The following SCAPER variants were observed in gnomAD, a reference collection of about 807,000 sequenced individuals.
SCAPER encodes S-phase cyclin A associated protein in the ER, also known as S phase cyclin A-associated protein in the endoplasmic reticulum.
A neutral mutation model predicts 182.2 loss-of-function variants in SCAPER; 98 were observed. The observed-to-expected ratio is 0.54, with a 90% CI of 0.46 to 0.64. The LOEUF is 0.64. SCAPER is among the 30% of genes least tolerant of loss of function. SCAPER has a pLI of 0.00. For synonymous variants in SCAPER, 605 were observed against 564.6 expected (o/e 1.07, Z -1.01); for missense variants, 1,432 against 1,690.0 (o/e 0.85, Z 2.68).
chr15:76,432,537 C>G (rs2046936953), intron 26 of SCAPER, among the ~76,000 whole-genome samples: 2 of 152,190 alleles, frequency 1.3e-5, no homozygotes, highest in Admixed American at 1.3e-4. Flanking sequence ...CAGAGAGCAA[C>G]AAATTGCATG....
chr15:76,701,841 T>C lies in SCAPER; in HGVS notation c.2425A>G (p.Ser809Gly). 1 of 1,613,670 alleles carries C rather than the reference T, an allele frequency of 6.2e-7. No individual in the cohort carries two copies. Among genetic ancestry groups the C allele is most frequent in the South Asian group, 1.1e-5 (1 of 91,070 alleles). ...VLISSEVYLFSHVKGRKHQQA... is the reference protein window; with the variant it reads ...VLISSEVYLFGHVKGRKHQQA... ...TGGTGTTTTCTCCCTTTAACATGGC[T>C]AAAAAGATATACCTCTGAAGAGATC... The change falls in exon 20 of 32, where the codon AGC (serine) becomes GGC (glycine). Residue 809 changes from serine (S) to glycine (G), a missense_variant. Around this residue, in one of 5 missense-constraint regions of SCAPER, gnomAD observed 718 missense variants for 799.7 expected, o/e 0.90. Transcript: ENST00000563290.
At chr15:76,547,570 T>C (rs1317884294) in intron 23 of SCAPER, among the ~76,000 whole-genome samples, 1 of 152,134 alleles carries the variant, frequency 6.6e-6, no homozygotes, top group Non-Finnish European at 1.5e-5. Context: ...CTACCTGATA[T>C]CATAAAATAT....
intron 22 of SCAPER, among the ~76,000 whole-genome samples, chr15:76,606,574 T>A (rs1356101106): frequency 6.6e-6 from 1 of 151,794 alleles, no homozygotes; most frequent in East Asian, 1.9e-4. Context: ...ATATCCTTGT[T>A]AACTTTCTGT....
At chr15:76,861,579 T>C (rs141639352) in intron 3 of SCAPER, among the ~76,000 whole-genome samples, 215 of 152,280 alleles carry the variant, frequency 1.4e-3, no homozygotes, top group African/African-American at 5.1e-3. Flanking sequence ...TCACACTGCC[T>C]CTAGCCATTA....
intron 22 of SCAPER, among the ~76,000 whole-genome samples, chr15:76,577,735 TCA>T (rs1470993072): frequency 6.6e-6 from 1 of 151,982 alleles, no homozygotes; most frequent in Non-Finnish European, 1.5e-5. Flanking sequence ...TGAGTGAGAC[TCA>T]GAGACATGAT....
At position 76,595,911 on chromosome 15, in the gene SCAPER, G is replaced by C. The variant is rs1191106654; in HGVS notation, c.2712-21627C>G. Among the ~76,000 whole-genome samples the C allele has an allele frequency of 3.3e-5, 4 of 121,296 alleles. 2 individuals are homozygous for C. The highest frequency in any genetic ancestry group is 8.0e-5 in the Non-Finnish European group (4 of 50,014). The allele number at this position is 121,296 out of a possible 152,430, so 79.6% of individuals were successfully genotyped here. On this transcript the variant is annotated intron_variant, in intron 22 of 31. Coordinates refer to ENST00000563290, the MANE Select transcript of SCAPER (RefSeq NM_020843.4). ...ACATCACAATTAGAAGAACTGAGAA[G>C]CAAGAGCAAACAAATTCAAAAGCTA...
chr15:76,508,194 T>C (rs1370945984), intron 23 of SCAPER, among the ~76,000 whole-genome samples: 7 of 152,200 alleles, frequency 4.6e-5, no homozygotes, highest in African/African-American at 1.7e-4. Flanking sequence ...CTAGCTTTTT[T>C]TGGTTGATTG....
In SCAPER at chr15:76,726,155, A is replaced by ATG. The variant is rs1491513286; in HGVS notation, c.2165+2439_2165+2440insCA. The stretch of plus-strand genomic sequence containing the variant: ...TATATATATATATATATATATATAT[A>ATG]AAAAACTCTATAACCCAACAAGAAA... On this transcript the variant is annotated intron_variant, in intron 17 of 31. Coordinates refer to ENST00000563290, the MANE Select transcript of SCAPER (RefSeq NM_020843.4). 3.1e-5 allele frequency among the ~76,000 whole-genome samples: 3 copies of ATG among 97,324 alleles called. 1 individual carries two copies. The highest frequency in any genetic ancestry group is 5.9e-5 in the Non-Finnish European group (3 of 51,070). 63.8% of individuals were successfully genotyped at this position (97,324 alleles called of 152,430 possible). A position where few individuals can be genotyped will look rare whatever the true frequency, so the allele number is the denominator to read the frequency against.
intron 2 of SCAPER, among the ~76,000 whole-genome samples, chr15:76,864,296 C>T (rs761625194): frequency 2.6e-5 from 4 of 152,186 alleles, no homozygotes; most frequent in Non-Finnish European, 4.4e-5. Flanking sequence ...TTATCTACAA[C>T]TTATTTACTT....
chr15:76,483,487 C>T (rs935180393), intron 24 of SCAPER, among the ~76,000 whole-genome samples: 1 of 151,918 alleles, frequency 6.6e-6, no homozygotes, highest in Admixed American at 6.6e-5. Flanking sequence ...CATGAAAGAA[C>T]AAATTGATAA....
intron 22 of SCAPER, chr15:76,586,567 T>C (rs974608578): frequency 6.5e-6 from 1 of 152,742 alleles, no homozygotes; most frequent in Non-Finnish European, 1.5e-5. Flanking sequence ...AGAAAATAAA[T>C]AAATGAATGT....
intron 22 of SCAPER, among the ~76,000 whole-genome samples, chr15:76,605,335 G>A (rs190681373): frequency 1.4e-3 from 208 of 152,186 alleles, no homozygotes; most frequent in African/African-American, 5.0e-3. Flanking sequence ...TTATTGATTT[G>A]CGTATGTTGA....
At chr15:76,890,861 A>AC (rs1423506125) in intron 1 of SCAPER, among the ~76,000 whole-genome samples, 3 of 152,276 alleles carry the variant, frequency 2.0e-5, no homozygotes, top group Non-Finnish European at 4.4e-5. Context: ...CAGAGACACA[A>AC]CAAAAAAAGA....
chr15:76,395,216 G>A (rs2043971087), intron 27 of SCAPER, among the ~76,000 whole-genome samples: 1 of 152,152 alleles, frequency 6.6e-6, no homozygotes, highest in Non-Finnish European at 1.5e-5. Flanking sequence ...TCCATTGTGT[G>A]TATGAGTACA....
At chr15:76,438,484 G>A (rs1185854923) in intron 25 of SCAPER, among the ~76,000 whole-genome samples, 1 of 152,166 alleles carries the variant, frequency 6.6e-6, no homozygotes, top group Non-Finnish European at 1.5e-5. Context: ...TCTGCCTACA[G>A]CTGACCGGCA....
intron 2 of SCAPER, among the ~76,000 whole-genome samples, chr15:76,877,034 A>G (rs2073218184): frequency 6.6e-6 from 1 of 152,098 alleles, no homozygotes; most frequent in African/African-American, 2.4e-5. Flanking sequence ...CCAGGAGTTC[A>G]AGACCAGCCT....
In SCAPER at chr15:76,712,562, A is replaced by T. The variant is rs570442269; in HGVS notation, c.2166-6578T>A. On this transcript the variant is annotated intron_variant, in intron 17 of 31. Coordinates refer to ENST00000563290, the MANE Select transcript of SCAPER (RefSeq NM_020843.4). ...CATTTTCACGATATTGATTCTTCCT[A>T]CCCATGAGCATGGAATGTTCTTCCA... Among the ~76,000 whole-genome samples, 1,240 of 152,196 alleles carry T rather than the reference A, an allele frequency of 8.1e-3. 13 individuals are homozygous for T. The highest frequency in any genetic ancestry group is 0.028 in the African/African-American group (1,176 of 41,518).
rs60859623 is a variant in SCAPER at position 76,848,323 on chromosome 15, GTTT to G, written c.196-6395_196-6393del. Among the ~76,000 whole-genome samples, 304 of 132,266 alleles carry G rather than the reference GTTT, an allele frequency of 2.3e-3. 2 individuals are homozygous for G. Among genetic ancestry groups the G allele is most frequent in the African/African-American group, 7.4e-3 (246 of 33,166 alleles). 86.8% of individuals were successfully genotyped at this position (132,266 alleles called of 152,430 possible). On this transcript the variant is annotated intron_variant, in intron 4 of 31. Transcript: ENST00000563290. ...CCTAAAACATTGTGTTTTTTTTGGG[GTTT>G]TTTTTTTTTTTTTTTTTTTTGACAC...
In SCAPER at chr15:76,354,245, G is replaced by C; in HGVS notation, c.3856-105C>G. 4 of 1,044,376 alleles carry C rather than the reference G, an allele frequency of 3.8e-6. No individual in the cohort carries two copies. The highest frequency in any genetic ancestry group is 3.0e-5 in the East Asian group (1 of 33,832). The allele number at this position is 1,044,376 out of a possible 1,614,324, so 64.7% of individuals were successfully genotyped here. A position where few individuals can be genotyped will look rare whatever the true frequency, so the allele number is the denominator to read the frequency against. The stretch of plus-strand genomic sequence containing the variant: ...ACCATGGAAAACATGCTGAAGGAGT[G>C]TAAAGAAAAAGACTCCTGACTCCGT... On this transcript the variant is annotated intron_variant, in intron 29 of 31. Transcript: ENST00000563290. This position sits in a 1 kb window ranked among gnomAD's most constrained non-coding sequence, Gnocchi z 4.4.
Sources: gnomAD v4.1 joint callset for allele counts (sites outside exome capture counted in the v4.1 genomes callset) on GRCh38, gnomAD v4.1.1 for gene constraint, gnomAD v4.1.1 regional missense constraint, Gnocchi (gnomAD v3.1) non-coding constraint, MANE v1.5 for transcripts, NCBI Gene and HGNC (gene_info 2026-07-23, HGNC 2026-07-21) for gene names.